Variants in TPRG1 observed in about 807,000 individuals in gnomAD.
TPRG1 encodes tumor protein p63-regulated gene 1 protein.
Under a neutral mutation model 29.3 loss-of-function variants are expected in TPRG1, and 29 were observed. The observed-to-expected ratio is 0.99, with a 90% CI of 0.74 to 1.35. The LOEUF (loss-of-function observed/expected upper bound fraction) is 1.35. Ranked by LOEUF, TPRG1 falls within the 40% of genes most tolerant of loss-of-function variation. The probability of loss-of-function intolerance (pLI) is 0.00; values close to 1 mark genes in which losing one functional copy is unlikely to be tolerated. For missense variants in TPRG1, 327 were observed against 335.0 expected (o/e 0.98, Z 0.19); for synonymous variants, 130 against 116.8 (o/e 1.11, Z -0.73).
chr3:189,265,573 A>G lies in TPRG1; in HGVS notation c.479+26664A>G, dbSNP rs547706687. ...TTGGGGGAAGCCACACACCTATCTG[A>G]AACACTAAATAGCTCAGGCTGCCTT... On this transcript the variant is annotated intron_variant, in intron 4 of 5. Transcript: ENST00000345063. 1.3e-3 allele frequency among the ~76,000 whole-genome samples: 200 copies of G among 152,280 alleles called. 1 individual carries two copies. The highest frequency in any genetic ancestry group is 4.3e-3 in the African/African-American group (179 of 41,564).
chr3:189,242,839 A>G (rs1435163171), intron 4 of TPRG1, among the ~76,000 whole-genome samples: 1 of 151,982 alleles, frequency 6.6e-6, no homozygotes, highest in Admixed American at 6.6e-5. Context: ...AGGCCCTCCC[A>G]TCACAGGTCC....
At chr3:189,275,464 G>A (rs1010127596) in intron 4 of TPRG1, among the ~76,000 whole-genome samples, 1 of 152,130 alleles carries the variant, frequency 6.6e-6, no homozygotes, top group Non-Finnish European at 1.5e-5. Flanking sequence ...GCAACACAAA[G>A]GAAATAGTAT....
At chr3:189,214,328 A>G (rs1735707696) in intron 2 of TPRG1, among the ~76,000 whole-genome samples, 1 of 152,240 alleles carries the variant, frequency 6.6e-6, no homozygotes, top group African/African-American at 2.4e-5. Context: ...ACAGGAAGAG[A>G]GACCCAAAAA....
intron 3 of TPRG1, among the ~76,000 whole-genome samples, chr3:189,224,004 C>T (rs1242364152): frequency 6.6e-6 from 1 of 152,170 alleles, no homozygotes; most frequent in African/African-American, 2.4e-5. Flanking sequence ...CCTCAAGGTG[C>T]TCTCAGTCTT....
intron 5 of TPRG1, among the ~76,000 whole-genome samples, chr3:189,316,932 A>G (rs776476410): frequency 1.2e-4 from 18 of 152,194 alleles, no homozygotes; most frequent in Non-Finnish European, 1.5e-4. Context: ...CTCTCCTTCA[A>G]TGCACTGCTT....
intron 4 of TPRG1, among the ~76,000 whole-genome samples, chr3:189,305,614 C>G (rs1329885534): frequency 6.6e-6 from 1 of 152,172 alleles, no homozygotes; most frequent in African/African-American, 2.4e-5. Context: ...TCTATCCTGC[C>G]AACAACGGTG....
chr3:189,306,110 G>A (rs1055856475), intron 4 of TPRG1, among the ~76,000 whole-genome samples: 8 of 152,118 alleles, frequency 5.3e-5, no homozygotes, highest in African/African-American at 1.7e-4. Flanking sequence ...ACAGAGTTCA[G>A]GCACTGAGTC....
At chr3:189,187,954 C>T (rs530338877) in intron 1 of TPRG1, among the ~76,000 whole-genome samples, 1 of 152,210 alleles carries the variant, frequency 6.6e-6, no homozygotes, top group Non-Finnish European at 1.5e-5. Flanking sequence ...GTATGTAAAT[C>T]AAAAGTAAAG....
intron 3 of TPRG1, among the ~76,000 whole-genome samples, chr3:189,222,673 T>C (rs928855993): frequency 3.3e-5 from 5 of 152,222 alleles, no homozygotes; most frequent in Admixed American, 2.0e-4. Context: ...ATCACTCTCA[T>C]GTTCATGCAT....
chr3:189,055,871 T>C (rs2152141644), intron 4 of TPRG1, among the ~76,000 whole-genome samples: 1 of 152,242 alleles, frequency 6.6e-6, no homozygotes, highest in South Asian at 2.1e-4. Flanking sequence ...CCTCTCTCAC[T>C]GCTCTGCTTT....
intron 4 of TPRG1, among the ~76,000 whole-genome samples, chr3:189,078,186 G>A (rs929105041): frequency 6.9e-6 from 1 of 144,914 alleles, no homozygotes; most frequent in African/African-American, 2.6e-5. Context: ...CATCTAGGCT[G>A]GAATGCAATA....
intron 1 of TPRG1, among the ~76,000 whole-genome samples, chr3:189,201,747 T>C (rs1733529040): frequency 6.6e-6 from 1 of 152,050 alleles, no homozygotes; most frequent in African/African-American, 2.4e-5. Flanking sequence ...CCTCCCAGGT[T>C]CAAGCAATTC....
rs60487774 is a variant in TPRG1, at chr3:189,069,178, G to A, written c.-463+45232G>A. Among the ~76,000 whole-genome samples, 11 of 152,096 alleles carry A rather than the reference G, an allele frequency of 7.2e-5. 1 individual carries two copies. The highest frequency in any genetic ancestry group is 2.6e-4 in the Admixed American group (4 of 15,268). On this transcript the variant is annotated intron_variant, in intron 4 of 10. Coordinates refer to the TPRG1 transcript ENST00000433971. ...ATTACTGCTCAGCAATGAAAAAATCGCTAACTTCCCATGTGTACAACAGCC... is the reference window on the plus strand; with the variant it reads ...ATTACTGCTCAGCAATGAAAAAATCACTAACTTCCCATGTGTACAACAGCC...
intron 1 of TPRG1, among the ~76,000 whole-genome samples, chr3:189,105,448 T>A (rs1201221446): frequency 6.6e-6 from 1 of 152,122 alleles, no homozygotes; most frequent in Non-Finnish European, 1.5e-5. Context: ...CTCTTTTTCA[T>A]GCATTGAGGC....
intron 5 of TPRG1, among the ~76,000 whole-genome samples, chr3:189,165,407 G>T (rs1728032207): frequency 6.6e-6 from 1 of 151,708 alleles, no homozygotes; most frequent in South Asian, 2.1e-4. Flanking sequence ...GATAGATGGA[G>T]AAACTGTAAC....
At chr3:189,307,059 G>T (rs1721740515) in intron 4 of TPRG1, among the ~76,000 whole-genome samples, 1 of 152,178 alleles carries the variant, frequency 6.6e-6, no homozygotes. Flanking sequence ...GTCTCGCTCT[G>T]TTGCCCAGGC....
chr3:189,284,263 C>A (rs1408664648), intron 4 of TPRG1, among the ~76,000 whole-genome samples: 1 of 151,700 alleles, frequency 6.6e-6, no homozygotes, highest in African/African-American at 2.4e-5. Flanking sequence ...AGGTTAGTTA[C>A]CTATGTATAC....
At chr3:189,048,002 T>G (rs1715082682) in intron 4 of TPRG1, among the ~76,000 whole-genome samples, 1 of 152,224 alleles carries the variant, frequency 6.6e-6, no homozygotes, top group African/African-American at 2.4e-5. Flanking sequence ...CTTCTTCCCA[T>G]GAATCATGAA....
At chr3:189,040,309 C>A (rs1349684051) in intron 4 of TPRG1, among the ~76,000 whole-genome samples, 1 of 152,160 alleles carries the variant, frequency 6.6e-6, no homozygotes, top group Non-Finnish European at 1.5e-5. Context: ...GAACTTCTAT[C>A]CCTTCTTTAG....
Sources: gnomAD v4.1 joint callset for allele counts (sites outside exome capture counted in the v4.1 genomes callset) on GRCh38, gnomAD v4.1.1 for gene constraint, MANE v1.5 for transcripts, NCBI Gene and HGNC (gene_info 2026-07-23, HGNC 2026-07-21) for gene names.